The following FNDC3A variants were observed in gnomAD, a reference collection of about 807,000 sequenced individuals.
The protein encoded by FNDC3A is fibronectin type-III domain-containing protein 3A.
A neutral mutation model predicts 148.9 loss-of-function variants in FNDC3A; 32 were observed. The ratio of observed to expected loss-of-function variants is 0.21; its 90% CI spans 0.16 to 0.29. The LOEUF (loss-of-function observed/expected upper bound fraction) is 0.29, where lower values mean the gene tolerates loss of function less well. Among genes scored for constraint, FNDC3A ranks in the 10% least tolerant of loss-of-function variants. The probability of loss-of-function intolerance (pLI) is 1.00; values close to 1 mark genes in which losing one functional copy is unlikely to be tolerated. For missense variants in FNDC3A, 1,191 were observed against 1,452.8 expected (o/e 0.82, Z 2.93); for synonymous variants, 472 against 473.6 (o/e 1.00, Z 0.04).
chr13:49,090,808 A>G (rs1465849462), intron 3 of FNDC3A, among the ~76,000 whole-genome samples: 1 of 152,034 alleles, frequency 6.6e-6, no homozygotes, highest in Non-Finnish European at 1.5e-5. Context: ...TCAAGACAAC[A>G]CAGTGAGACC....
chr13:49,205,797 T>G (rs1886617909), intron 25 of FNDC3A, among the ~76,000 whole-genome samples: 1 of 152,222 alleles, frequency 6.6e-6, no homozygotes, highest in African/African-American at 2.4e-5. Flanking sequence ...TATATTGTTA[T>G]CAGCATCCAC....
chr13:49,178,395 G>A (rs971009796), intron 13 of FNDC3A, among the ~76,000 whole-genome samples, 173 bp from the exon 14 acceptor site: 1 of 152,122 alleles, frequency 6.6e-6, no homozygotes, highest in Non-Finnish European at 1.5e-5. Flanking sequence ...AAGCATTTCC[G>A]GGTCTACCCA....
intron 2 of FNDC3A, among the ~76,000 whole-genome samples, chr13:49,018,745 G>A (rs1352055501): frequency 6.6e-6 from 1 of 152,206 alleles, no homozygotes; most frequent in African/African-American, 2.4e-5. Flanking sequence ...ATCTACTTTT[G>A]GTCTTTGATG....
chr13:49,138,765 A>G lies in FNDC3A; in HGVS notation c.779A>G (p.Lys260Arg). The G allele has an allele frequency of 6.7e-7, 1 of 1,492,880 alleles. No homozygotes were observed. Among genetic ancestry groups the G allele is most frequent in the Non-Finnish European group, 9.2e-7 (1 of 1,091,338 alleles). 92.5% of individuals were successfully genotyped at this position (1,492,880 alleles called of 1,614,324 possible). A position where few individuals can be genotyped will look rare whatever the true frequency, so the allele number is the denominator to read the frequency against. Residue 260 changes from lysine to arginine, a missense_variant, in exon 7 of 26, where the codon AAA (lysine) becomes AGA (arginine). Around this residue, in one of 3 missense-constraint regions of FNDC3A, gnomAD observed 426 missense variants for 473.2 expected, o/e 0.90. Coordinates refer to ENST00000492622, the MANE Select transcript of FNDC3A (RefSeq NM_001079673.2). ...TEIEEKDEETKAFEALLSNIV... is the reference protein window; with the variant it reads ...TEIEEKDEETRAFEALLSNIV... ...TTTTAAGAAAAAGATGAAGAAACTA[A>G]AGCATTTGAAGCACTTCTTTCCAAC...
rs113327516 is a variant in FNDC3A at position 49,059,483 on chromosome 13, T to C, written c.100-15806T>C. Among the ~76,000 whole-genome samples the C allele has an allele frequency of 4.8e-3, 725 of 152,302 alleles. 9 individuals carry two copies. The highest frequency in any genetic ancestry group is 0.016 in the African/African-American group (684 of 41,566). The stretch of plus-strand genomic sequence containing the variant: ...TTGTTTGTTTGTTTTGGGATGGAGC[T>C]CTCGCTCTGTTGCTCAGGCTGGAGT... On this transcript the variant is annotated intron_variant, in intron 2 of 25. Transcript: ENST00000492622.
intron 16 of FNDC3A, chr13:49,187,741 C>CA: frequency 2.2e-6 from 2 of 902,442 alleles, no homozygotes; most frequent in Non-Finnish European, 3.3e-6. Flanking sequence ...TCACCAAGAC[C>CA]TTTTTTTTTT....
chr13:49,006,757 G>A (rs1478813404), intron 2 of FNDC3A, among the ~76,000 whole-genome samples: 1 of 151,852 alleles, frequency 6.6e-6, no homozygotes, highest in Non-Finnish European at 1.5e-5. Context: ...TATTTAAAAT[G>A]TTGTGGTTGC....
intron 8 of FNDC3A, among the ~76,000 whole-genome samples, chr13:49,164,684 C>T (rs137928214): frequency 6.4e-4 from 98 of 152,120 alleles, no homozygotes; most frequent in African/African-American, 2.0e-3. Flanking sequence ...ACTCGGCTCA[C>T]TGCAACCTCC....
chr13:49,109,654 CT>C (rs1880419558), intron 3 of FNDC3A, among the ~76,000 whole-genome samples: 1 of 152,146 alleles, frequency 6.6e-6, no homozygotes, highest in African/African-American at 2.4e-5. Flanking sequence ...CTGAGGCTGT[CT>C]TTTCAGATTC....
At chr13:49,058,895 C>A (rs1268197711) in intron 2 of FNDC3A, among the ~76,000 whole-genome samples, 2 of 152,182 alleles carry the variant, frequency 1.3e-5, no homozygotes, top group Non-Finnish European at 2.9e-5. Flanking sequence ...AAATGGTTCA[C>A]TCTTCATTCT....
intron 2 of FNDC3A, among the ~76,000 whole-genome samples, chr13:49,013,808 T>C (rs1952426828): frequency 1.4e-5 from 2 of 145,794 alleles, no homozygotes; most frequent in African/African-American, 5.1e-5. Context: ...CCATGTGTTC[T>C]CTTTGTTCAA....
At chr13:49,028,476 G>A (rs1349002719) in intron 2 of FNDC3A, among the ~76,000 whole-genome samples, 1 of 151,958 alleles carries the variant, frequency 6.6e-6, no homozygotes, top group Non-Finnish European at 1.5e-5. Flanking sequence ...CTGACTTCAA[G>A]TGATCCTCCA....
At chr13:49,062,616 C>A (rs553674387) in intron 2 of FNDC3A, among the ~76,000 whole-genome samples, 1 of 152,212 alleles carries the variant, frequency 6.6e-6, no homozygotes, top group Non-Finnish European at 1.5e-5. Flanking sequence ...CTTTATCTTG[C>A]AGACTTCTGC....
intron 3 of FNDC3A, among the ~76,000 whole-genome samples, chr13:49,086,588 A>G (rs1047470400): frequency 6.6e-6 from 1 of 152,218 alleles, no homozygotes; most frequent in Non-Finnish European, 1.5e-5. Context: ...TACTGAAATT[A>G]TAAGTAACTC....
At chr13:49,093,868 T>C (rs1284647812) in intron 3 of FNDC3A, among the ~76,000 whole-genome samples, 1 of 152,228 alleles carries the variant, frequency 6.6e-6, no homozygotes, top group African/African-American at 2.4e-5. Flanking sequence ...ACATGATTTA[T>C]ATTGCATGAT....
At chr13:49,162,339 C>T (rs748112080) in intron 8 of FNDC3A, among the ~76,000 whole-genome samples, 2 of 152,198 alleles carry the variant, frequency 1.3e-5, no homozygotes, top group Admixed American at 6.5e-5. Context: ...CTTATCTTCT[C>T]ACTTCATTTC....
chr13:49,084,616 C>G (rs559167787), intron 3 of FNDC3A, among the ~76,000 whole-genome samples: 104 of 152,224 alleles, frequency 6.8e-4, no homozygotes, highest in African/African-American at 2.5e-3. Flanking sequence ...AAGGTGAATT[C>G]AAGTTTTCTG....
intron 1 of FNDC3A, among the ~76,000 whole-genome samples, chr13:48,997,267 T>A (rs1390177104): frequency 1.3e-5 from 2 of 152,202 alleles, no homozygotes; most frequent in Non-Finnish European, 2.9e-5. Flanking sequence ...TTTCTAGGTC[T>A]AAGCTGTTGT....
intron 4 of FNDC3A, among the ~76,000 whole-genome samples, chr13:49,122,327 T>C (rs567820872): frequency 1.3e-5 from 2 of 152,206 alleles, no homozygotes; most frequent in East Asian, 3.9e-4. Flanking sequence ...TTCAATAAAC[T>C]AGGTATTGAT....
Sources: allele counts gnomAD v4.1 joint callset (sites outside exome capture counted in the v4.1 genomes callset), GRCh38; gene constraint gnomAD v4.1.1; regional missense constraint gnomAD v4.1.1; transcripts MANE v1.5; gene names NCBI Gene and HGNC (gene_info 2026-07-23, HGNC 2026-07-21).